Variants in DLG2 observed in about 807,000 individuals in gnomAD.
DLG2 encodes discs large MAGUK scaffold protein 2, also known as disks large homolog 2.
Under a neutral mutation model 132.5 loss-of-function variants are expected in DLG2, and 45 were observed. The ratio of observed to expected loss-of-function variants is 0.34; its 90% CI spans 0.27 to 0.44. DLG2 has a LOEUF of 0.44. Ranked by LOEUF, DLG2 falls within the 20% of genes least tolerant of loss-of-function variation. The pLI is 1.00. For missense variants in DLG2, 1,045 were observed against 1,196.9 expected (o/e 0.87, Z 1.87); for synonymous variants, 424 against 419.6 (o/e 1.01, Z -0.13).
chr11:85,240,163 A>T (rs145967503), intron 4 of DLG2, among the ~76,000 whole-genome samples: 1 of 151,982 alleles, frequency 6.6e-6, no homozygotes, highest in Admixed American at 6.6e-5. Flanking sequence ...ACTTATCTTT[A>T]TATATTTATT....
At chr11:84,330,041 A>G (rs968286431) in intron 7 of DLG2, among the ~76,000 whole-genome samples, 1 of 152,004 alleles carries the variant, frequency 6.6e-6, no homozygotes, top group Non-Finnish European at 1.5e-5. Context: ...TGTGAAAATA[A>G]CATAAGCTCA....
intron 3 of DLG2, among the ~76,000 whole-genome samples, chr11:85,424,312 G>A (rs182359007): frequency 4.2e-4 from 64 of 152,184 alleles, no homozygotes; most frequent in African/African-American, 1.5e-3. Context: ...GGGGATCTGT[G>A]GGTTCTCTCA....
chr11:84,047,907 A>T (rs1229427703), intron 11 of DLG2, among the ~76,000 whole-genome samples: 1 of 151,588 alleles, frequency 6.6e-6, no homozygotes, highest in East Asian at 1.9e-4. Flanking sequence ...TTACAGTGGC[A>T]ATATTTGTAG....
intron 7 of DLG2, among the ~76,000 whole-genome samples, chr11:84,432,713 G>A (rs979426641): frequency 3.9e-5 from 6 of 152,120 alleles, no homozygotes; most frequent in Admixed American, 3.9e-4. Flanking sequence ...AGTAGAACTA[G>A]TGTGCTGGTT....
intron 16 of DLG2, among the ~76,000 whole-genome samples, chr11:83,843,961 A>C (rs1421395234): frequency 6.6e-6 from 1 of 152,184 alleles, no homozygotes; most frequent in African/African-American, 2.4e-5. Context: ...AAGTAAGAGA[A>C]ATCTTCAGAG....
At chr11:84,801,026 C>G (rs572096486) in intron 6 of DLG2, among the ~76,000 whole-genome samples, 2 of 152,178 alleles carry the variant, frequency 1.3e-5, no homozygotes, top group Non-Finnish European at 2.9e-5. Context: ...GCAGGGAGAA[C>G]TGGATTTTAT....
chr11:85,500,878 A>T (rs958847387), intron 3 of DLG2, among the ~76,000 whole-genome samples: 1 of 152,218 alleles, frequency 6.6e-6, no homozygotes, highest in African/African-American at 2.4e-5. Flanking sequence ...TATCCCCATC[A>T]AGTTACCACT....
chr11:85,382,174 C>T (rs75251022), intron 3 of DLG2, among the ~76,000 whole-genome samples: 18,136 of 152,030 alleles, frequency 0.12, 1,551 homozygotes, highest in Non-Finnish European at 0.16. Flanking sequence ...ATAAAAGTCA[C>T]ACAGATTAAT....
At chr11:84,059,027 A>C (rs1255296907) in intron 11 of DLG2, among the ~76,000 whole-genome samples, 4 of 152,118 alleles carry the variant, frequency 2.6e-5, no homozygotes, top group African/African-American at 9.7e-5. Context: ...ATGCTAGCTA[A>C]GTTATCATGA....
chr11:85,445,486 T>A (rs2091967473), intron 3 of DLG2, among the ~76,000 whole-genome samples: 1 of 152,194 alleles, frequency 6.6e-6, no homozygotes, highest in East Asian at 1.9e-4. Context: ...GAGACCAGCC[T>A]GGTCAACATG....
chr11:83,846,402 G>T (rs2058612671), intron 16 of DLG2, among the ~76,000 whole-genome samples: 1 of 152,198 alleles, frequency 6.6e-6, no homozygotes, highest in Non-Finnish European at 1.5e-5. Flanking sequence ...GGGAGACTTT[G>T]TGAATGCAAT....
intron 18 of DLG2, among the ~76,000 whole-genome samples, chr11:83,710,166 C>CTT (rs34223532): frequency 2.8e-5 from 4 of 145,296 alleles, no homozygotes; most frequent in East Asian, 4.0e-4. Context: ...AAATAAGGTA[C>CTT]TTTTTTTTTT....
At chr11:83,651,255 G>A (rs977455764) in intron 18 of DLG2, among the ~76,000 whole-genome samples, 3 of 152,140 alleles carry the variant, frequency 2.0e-5, no homozygotes, top group Non-Finnish European at 4.4e-5. Flanking sequence ...TGGAATGTCA[G>A]AGAGTAAGTA....
chr11:83,889,121 T>C (rs1459463990), intron 15 of DLG2, among the ~76,000 whole-genome samples: 1 of 151,938 alleles, frequency 6.6e-6, no homozygotes, highest in African/African-American at 2.4e-5. Context: ...CTAATTAAAC[T>C]AAAGAGCTTC....
At chr11:84,239,920 G>A (rs1598173847) in intron 8 of DLG2, among the ~76,000 whole-genome samples, 2 of 152,170 alleles carry the variant, frequency 1.3e-5, no homozygotes, top group African/African-American at 4.8e-5. Flanking sequence ...GGTAGAAACC[G>A]CTGCTTCTCC....
intron 6 of DLG2, among the ~76,000 whole-genome samples, chr11:84,747,121 T>G (rs770789093): frequency 3.9e-4 from 60 of 152,196 alleles, no homozygotes; most frequent in Non-Finnish European, 7.8e-4. Flanking sequence ...GTTTTGTAGT[T>G]GAGGAATAAA....
chr11:83,529,910 C>A (rs543210119), intron 21 of DLG2, among the ~76,000 whole-genome samples: 9 of 152,186 alleles, frequency 5.9e-5, no homozygotes, highest in Admixed American at 4.6e-4. Context: ...AATTAGAAAG[C>A]ACATCATATA....
At chr11:85,559,811 A>T (rs962047620) in intron 3 of DLG2, among the ~76,000 whole-genome samples, 3 of 127,944 alleles carry the variant, frequency 2.3e-5, no homozygotes, top group Non-Finnish European at 5.1e-5. Context: ...GTGATTAGTT[A>T]GATGATTGAT....
chr11:84,327,172 G>T (rs554510652), intron 7 of DLG2, among the ~76,000 whole-genome samples: 2 of 143,526 alleles, frequency 1.4e-5, no homozygotes, highest in South Asian at 4.4e-4. Flanking sequence ...ACTGGAGTGC[G>T]GTGGTGCAAT....
Sources: gnomAD v4.1 joint callset for allele counts (sites outside exome capture counted in the v4.1 genomes callset) on GRCh38, gnomAD v4.1.1 for gene constraint, MANE v1.5 for transcripts, NCBI Gene and HGNC (gene_info 2026-07-23, HGNC 2026-07-21) for gene names.